The following COBL variants were observed in gnomAD, a reference collection of about 807,000 sequenced individuals.
COBL encodes the protein protein cordon-bleu.
COBL carries 51 observed loss-of-function variants against 98.8 expected under a neutral mutation model. The observed-to-expected ratio is 0.52, with a 90% confidence interval of 0.41 to 0.65. The LOEUF is 0.65. COBL is among the 30% of genes least tolerant of loss of function. The probability of loss-of-function intolerance (pLI) is 0.00; values close to 1 mark genes in which losing one functional copy is unlikely to be tolerated. For missense variants in COBL, 1,617 were observed against 1,617.5 expected (o/e 1.00, Z 0.01); for synonymous variants, 634 against 651.7 (o/e 0.97, Z 0.41).
intron 6 of COBL, among the ~76,000 whole-genome samples, chr7:51,127,529 T>C (rs1216740752): frequency 2.6e-5 from 4 of 152,202 alleles, no homozygotes; most frequent in African/African-American, 9.7e-5. Context: ...CAAAAATGTA[T>C]GAGGTCGGGG....
intron 5 of COBL, among the ~76,000 whole-genome samples, chr7:51,159,062 C>A (rs1257441121): frequency 1.3e-5 from 2 of 152,174 alleles, no homozygotes; most frequent in Non-Finnish European, 2.9e-5. Flanking sequence ...GATCAAGACA[C>A]ACGAAGAGCT....
In COBL at chr7:51,028,206, G is replaced by C. The variant is rs755895120; in HGVS notation, c.2890C>G (p.Gln964Glu). 1.2e-5 allele frequency: 19 copies of C among 1,614,108 alleles called. No individual in the cohort carries two copies. The highest frequency in any genetic ancestry group is 1.6e-4 in the Middle Eastern group (1 of 6,084). Reference protein sequence around the residue: ...VIGPHRKLSTQDRPAAIHRSS... With the variant: ...VIGPHRKLSTEDRPAAIHRSS... ...CTGTGGATAGCAGCAGGTCTGTCCTGAGTAGACAACTTCCTGTGTGGGCCA... is the reference window on the plus strand; with the variant it reads ...CTGTGGATAGCAGCAGGTCTGTCCTCAGTAGACAACTTCCTGTGTGGGCCA... Residue 964 changes from glutamine to glutamate, a missense_variant, in exon 10 of 13, where the codon CAG becomes GAG. Around this residue, in one of 3 missense-constraint regions of COBL, gnomAD observed 1,304 missense variants for 1,282.0 expected, o/e 1.02. Transcript: ENST00000265136.
rs1027985703 is a variant in COBL, at chr7:51,136,100, A to T, written c.957+58T>A. ...TACTGTGTTCCCAGGGAGCTTTGGAACAATCAACTGTGTCACTGAAAAGAT... is the reference window on the plus strand; with the variant it reads ...TACTGTGTTCCCAGGGAGCTTTGGATCAATCAACTGTGTCACTGAAAAGAT... On this transcript the variant is annotated intron_variant, in intron 6 of 12. Coordinates refer to ENST00000265136, the MANE Select transcript of COBL (RefSeq NM_015198.5). 7.0e-5 allele frequency: 110 copies of T among 1,562,088 alleles called. 2 individuals are homozygous for T. The South Asian group carries it at 1.3e-3, about 19-fold the overall frequency.
At chr7:51,269,153 T>C (rs1273397128) in intron 1 of COBL, among the ~76,000 whole-genome samples, 1 of 151,916 alleles carries the variant, frequency 6.6e-6, no homozygotes, top group Admixed American at 6.6e-5. Flanking sequence ...TGTGTCCAAA[T>C]TGCAGCCCCC....
chr7:51,141,282 T>G (rs1799718115), intron 5 of COBL, among the ~76,000 whole-genome samples: 1 of 152,220 alleles, frequency 6.6e-6, no homozygotes, highest in African/African-American at 2.4e-5. Context: ...TTGATTTCTG[T>G]TTCAAGGTTA....
intron 6 of COBL, among the ~76,000 whole-genome samples, chr7:51,088,404 T>C (rs1157086751): frequency 6.6e-6 from 1 of 152,092 alleles, no homozygotes; most frequent in Non-Finnish European, 1.5e-5. Context: ...GTTACTGTTT[T>C]TTTTTTGTTT....
intron 6 of COBL, among the ~76,000 whole-genome samples, chr7:51,087,525 G>GTCTCC (rs894618405): frequency 6.6e-6 from 1 of 151,916 alleles, no homozygotes; most frequent in African/African-American, 2.4e-5. Flanking sequence ...TTGAGACAGA[G>GTCTCC]TCTCACTCTG....
intron 6 of COBL, among the ~76,000 whole-genome samples, chr7:51,123,755 G>C (rs1267990328): frequency 1.3e-5 from 2 of 152,146 alleles, no homozygotes; most frequent in East Asian, 1.9e-4. Flanking sequence ...CTTCATTTCA[G>C]AATCTCTATG....
chr7:51,145,010 C>T (rs1583949683), intron 5 of COBL, among the ~76,000 whole-genome samples: 1 of 152,224 alleles, frequency 6.6e-6, no homozygotes, highest in African/African-American at 2.4e-5. Flanking sequence ...GTACTATTCA[C>T]TTGTTTTTAA....
At chr7:51,203,614 TC>T in intron 2 of COBL, among the ~76,000 whole-genome samples, 1 of 149,714 alleles carries the variant, frequency 6.7e-6, no homozygotes, top group African/African-American at 2.5e-5. Flanking sequence ...ACAAATCACA[TC>T]ATCCCTAAAA....
chr7:51,043,602 C>T lies in COBL; in HGVS notation c.1187G>A (p.Ser396Asn). ...GGTCGTGTCCTCCGACGCAAAACAG[C>T]TGCCAACTGACACGGTCTCCTCCGC... ...SEAEETVSVGSCFASEDTTED... is the reference protein window; with the variant it reads ...SEAEETVSVGNCFASEDTTED... Residue 396 changes from serine to asparagine, a missense_variant, in exon 8 of 13, where the codon AGC becomes AAC. Transcript: ENST00000265136. 1 of 1,614,204 alleles carries T rather than the reference C, an allele frequency of 6.2e-7. No individual in the cohort carries two copies. The highest frequency in any genetic ancestry group is 8.5e-7 in the Non-Finnish European group (1 of 1,180,042).
chr7:51,020,788 C>G (rs1786853391), intron 12 of COBL, among the ~76,000 whole-genome samples: 1 of 152,342 alleles, frequency 6.6e-6, no homozygotes, highest in South Asian at 2.1e-4. Flanking sequence ...GGAAGTTTCT[C>G]TGGCAGCCAC....
intron 1 of COBL, among the ~76,000 whole-genome samples, chr7:51,267,176 A>T (rs942782909): frequency 4.6e-5 from 7 of 152,212 alleles, no homozygotes; most frequent in Non-Finnish European, 1.0e-4. Context: ...TTTTTCAGTA[A>T]ATAAAAATCT....
At chr7:51,181,098 A>G (rs1044097632) in intron 5 of COBL, among the ~76,000 whole-genome samples, 2 of 152,162 alleles carry the variant, frequency 1.3e-5, no homozygotes, top group Admixed American at 1.3e-4. Context: ...ATTCCTCACT[A>G]AAACATCTTT....
At chr7:51,189,471 T>C (rs1037195191) in intron 4 of COBL, among the ~76,000 whole-genome samples, 4 of 152,024 alleles carry the variant, frequency 2.6e-5, no homozygotes, top group African/African-American at 9.7e-5. Context: ...CCGTCTCTAC[T>C]AAAAACACAA....
intron 5 of COBL, among the ~76,000 whole-genome samples, chr7:51,142,531 G>A (rs1302394247): frequency 4.0e-5 from 6 of 151,708 alleles, no homozygotes; most frequent in East Asian, 1.9e-4. Flanking sequence ...TTACAGGAGC[G>A]TGCCACCACG....
chr7:51,077,600 C>G (rs1408335868), intron 7 of COBL, among the ~76,000 whole-genome samples: 1 of 152,200 alleles, frequency 6.6e-6, no homozygotes, highest in African/African-American at 2.4e-5. Flanking sequence ...CTGGAAGAGA[C>G]AAGATTATGC....
chr7:51,228,521 T>C (rs902963436), intron 1 of COBL, among the ~76,000 whole-genome samples: 13 of 152,128 alleles, frequency 8.5e-5, no homozygotes, highest in African/African-American at 2.7e-4. Flanking sequence ...TAAGAAATCC[T>C]ACACAATAGA....
In COBL at chr7:51,205,146, G is replaced by GCAA; in HGVS notation, c.246-11558_246-11557insTTG. ...CAAAATCCCATTGGCATTCTTTACA[G>GCAA]AAACAGAGAAGAAACAATGCAAAAA... On this transcript the variant is annotated intron_variant, in intron 2 of 12. Coordinates refer to ENST00000265136, the MANE Select transcript of COBL (RefSeq NM_015198.5). Among the ~76,000 whole-genome samples, 3 of 152,206 alleles carry GCAA rather than the reference G, an allele frequency of 2.0e-5. No homozygotes were observed. In the South Asian group the frequency reaches 6.2e-4, roughly 32 times the overall value.
Sources: allele counts gnomAD v4.1 joint callset (sites outside exome capture counted in the v4.1 genomes callset), GRCh38; gene constraint gnomAD v4.1.1; regional missense constraint gnomAD v4.1.1; transcripts MANE v1.5; gene names NCBI Gene and HGNC (gene_info 2026-07-23, HGNC 2026-07-21).